ATG7: variants seen among roughly 807,000 people sequenced by gnomAD.
The protein encoded by ATG7 is ubiquitin-like modifier-activating enzyme ATG7.
Under a neutral mutation model 82.4 loss-of-function variants are expected in ATG7, and 70 were observed. That is an observed-to-expected ratio of 0.85 (90% CI 0.70 to 1.04). ATG7 has a LOEUF of 1.04. Among genes scored for constraint, ATG7 ranks in the 50% least tolerant of loss-of-function variants. The pLI, the probability that ATG7 is intolerant of heterozygous loss-of-function variation, is 0.00. For missense variants in ATG7, 792 were observed against 864.3 expected (o/e 0.92, Z 1.05); for synonymous variants, 287 against 313.0 (o/e 0.92, Z 0.88).
chr3:11,283,484 G>A (rs541048192), intron 3 of ATG7, among the ~76,000 whole-genome samples: 1 of 152,304 alleles, frequency 6.6e-6, no homozygotes, highest in South Asian at 2.1e-4. Context: ...AAATCCAGGT[G>A]CAGGGGGGTG....
chr3:11,559,708 A>G (rs1575344922), downstream of ATG7, among the ~76,000 whole-genome samples: 1 of 152,200 alleles, frequency 6.6e-6, no homozygotes, highest in African/African-American at 2.4e-5. Flanking sequence ...CAAAAGCTCA[A>G]CTGTTGAGTT....
chr3:11,518,602 T>G (rs754732660), intron 20 of ATG7, among the ~76,000 whole-genome samples: 1 of 151,930 alleles, frequency 6.6e-6, no homozygotes, highest in Non-Finnish European at 1.5e-5. Flanking sequence ...CAGATCACTC[T>G]TTGTTACTCT....
intron 20 of ATG7, among the ~76,000 whole-genome samples, chr3:11,467,445 C>T (rs560867741): frequency 3.3e-5 from 5 of 152,288 alleles, no homozygotes; most frequent in Admixed American, 2.0e-4. Context: ...GGTGCGATCT[C>T]GGCTTACTGC....
At chr3:11,514,511 A>G (rs187790485) in intron 20 of ATG7, among the ~76,000 whole-genome samples, 1 of 152,352 alleles carries the variant, frequency 6.6e-6, no homozygotes, top group African/African-American at 2.4e-5. Context: ...AATACCGCCC[A>G]GTCTTTTTAC....
intron 20 of ATG7, among the ~76,000 whole-genome samples, chr3:11,436,675 GATGA>G (rs1459816514): frequency 6.6e-6 from 1 of 152,186 alleles, no homozygotes; most frequent in African/African-American, 2.4e-5. Flanking sequence ...TTCATTAGCT[GATGA>G]ATGGATGGAT....
intron 5 of ATG7, among the ~76,000 whole-genome samples, chr3:11,300,336 G>A (rs1575268259): frequency 6.6e-6 from 1 of 152,216 alleles, no homozygotes; most frequent in East Asian, 1.9e-4. Context: ...GGAAAGCATG[G>A]GATGAAAGGT....
At chr3:11,531,944 C>T (rs1190720059) in intron 20 of ATG7, among the ~76,000 whole-genome samples, 5 of 151,674 alleles carry the variant, frequency 3.3e-5, no homozygotes, top group Admixed American at 6.6e-5. Flanking sequence ...CCAAGCACTG[C>T]GCTAAACACT....
At chr3:11,441,810 G>C (rs1263570388) in intron 20 of ATG7, among the ~76,000 whole-genome samples, 1 of 151,546 alleles carries the variant, frequency 6.6e-6, no homozygotes, top group Non-Finnish European at 1.5e-5. Context: ...GGGACTACAG[G>C]CGCCTGCCAC....
At chr3:11,425,948 A>T (rs1364377486) in intron 19 of ATG7, among the ~76,000 whole-genome samples, 1 of 152,202 alleles carries the variant, frequency 6.6e-6, no homozygotes, top group Non-Finnish European at 1.5e-5. Flanking sequence ...GTTTGAAGGT[A>T]GTTTGTTCTC....
At chr3:11,306,604 A>T (rs575335869) in intron 5 of ATG7, among the ~76,000 whole-genome samples, 2 of 152,334 alleles carry the variant, frequency 1.3e-5, no homozygotes, top group South Asian at 4.1e-4. Context: ...AAGAGCTGTT[A>T]TGAGAATTCA....
chr3:11,413,061 G>A (rs1005626411), intron 19 of ATG7, among the ~76,000 whole-genome samples: 1 of 152,096 alleles, frequency 6.6e-6, no homozygotes, highest in Non-Finnish European at 1.5e-5. Flanking sequence ...GCTGAATTCA[G>A]TTTTTGTAGA....
rs2153026199 is a variant in ATG7 at position 11,477,324 on chromosome 3, C to G, written c.2079+50398C>G. 2.5e-6 allele frequency: 3 copies of G among 1,177,742 alleles called. 1 individual carries two copies. Among genetic ancestry groups the G allele is most frequent in the African/African-American group, 3.2e-5 (2 of 62,410 alleles). 73.0% of individuals were successfully genotyped at this position (1,177,742 alleles called of 1,614,324 possible). On this transcript the variant is annotated intron_variant, in intron 20 of 20. Transcript: ENST00000693202. ...TAAATAAGAATTTTTGTGCTACAAA[C>G]TCCTGAATCGATAAATACGTTCAGT...
intron 2 of ATG7, among the ~76,000 whole-genome samples, 198 bp downstream of exon 2, chr3:11,281,300 G>C (rs916597465): frequency 6.6e-6 from 1 of 152,178 alleles, no homozygotes; most frequent in Non-Finnish European, 1.5e-5. Flanking sequence ...ACCATGTCTT[G>C]AGCTAATCTA....
At chr3:11,540,935 TGTC>T (rs1228650588) in intron 20 of ATG7, among the ~76,000 whole-genome samples, 2 of 147,364 alleles carry the variant, frequency 1.4e-5, no homozygotes, top group Non-Finnish European at 3.0e-5. Flanking sequence ...AGTCTTGCTC[TGTC>T]GCCCAGGCTG....
At chr3:11,439,137 T>C (rs1163832401) in intron 20 of ATG7, among the ~76,000 whole-genome samples, 1 of 150,694 alleles carries the variant, frequency 6.6e-6, no homozygotes, top group African/African-American at 2.4e-5. Flanking sequence ...GGCGTGATCT[T>C]GGCTCACTGC....
chr3:11,370,170 G>A (rs1015559944), intron 18 of ATG7, among the ~76,000 whole-genome samples: 2 of 151,172 alleles, frequency 1.3e-5, no homozygotes, highest in Non-Finnish European at 2.9e-5. Context: ...TAATTAAAAT[G>A]GAAACTTATC....
intron 20 of ATG7, among the ~76,000 whole-genome samples, chr3:11,465,756 C>T (rs1039778772): frequency 1.6e-4 from 25 of 151,924 alleles, no homozygotes; most frequent in African/African-American, 6.0e-4. Context: ...CAGCGAGACC[C>T]TGCTTCAAAA....
At chr3:11,502,959 C>T (rs2091449546) in intron 20 of ATG7, among the ~76,000 whole-genome samples, 2 of 152,134 alleles carry the variant, frequency 1.3e-5, no homozygotes, top group Admixed American at 6.5e-5. Context: ...TTAGGATACA[C>T]CAGCCAGAGT....
chr3:11,336,342 A>G (rs1952486046), intron 11 of ATG7, among the ~76,000 whole-genome samples: 1 of 152,100 alleles, frequency 6.6e-6, no homozygotes, highest in Admixed American at 6.6e-5. Flanking sequence ...CGATGCTGAC[A>G]TTTAAACTCA....
Sources: gnomAD v4.1 joint callset for allele counts (sites outside exome capture counted in the v4.1 genomes callset) on GRCh38, gnomAD v4.1.1 for gene constraint, MANE v1.5 for transcripts, NCBI Gene and HGNC (gene_info 2026-07-23, HGNC 2026-07-21) for gene names.